Variants in FABP12 observed in about 807,000 individuals in gnomAD.
FABP12 encodes the protein fatty acid-binding protein 12.
Under a neutral mutation model 13.7 loss-of-function variants are expected in FABP12, and 19 were observed. The observed-to-expected ratio is 1.39, with a 90% CI of 0.97 to 2.04. The LOEUF is 2.04. Ranked by LOEUF, FABP12 falls within the 30% of genes most tolerant of loss-of-function variation. The pLI is 0.00. For missense variants in FABP12, 182 were observed against 164.2 expected (o/e 1.11, Z -0.59); for synonymous variants, 61 against 57.0 (o/e 1.07, Z -0.32).
Position 81,547,519 on chromosome 8 carries a change from T to C in FABP12, c.-184-7776A>G, listed in dbSNP as rs139302458. Among the ~76,000 whole-genome samples the C allele has an allele frequency of 9.2e-4, 140 of 152,352 alleles. 1 individual carries two copies. Among genetic ancestry groups the C allele is most frequent in the African/African-American group, 3.2e-3 (135 of 41,582 alleles). ...TATAACTGCTCTTCTTTTTAGCAGG[T>C]ACTGACAGAAATATAGCATAAATAA... On this transcript the variant is annotated intron_variant, in intron 1 of 5. Transcript: ENST00000692030.
At position 81,578,262 on chromosome 8, in the gene FABP12, G is replaced by A. The variant is rs1005828817; in HGVS notation, c.-185+11791C>T. On this transcript the variant is annotated intron_variant, in intron 1 of 5. Coordinates refer to the FABP12 transcript ENST00000692030. ...AAAGAATACATTTAGATAAATATTG[G>A]TTTATAGTACTAAAACCATAATTCG... Among the ~76,000 whole-genome samples, 28 of 152,198 alleles carry A rather than the reference G, an allele frequency of 1.8e-4. 1 individual carries two copies. The highest frequency in any genetic ancestry group is 1.8e-3 in the Admixed American group (28 of 15,294).
At chr8:81,589,175 TG>T (rs1162471019) in intron 1 of FABP12, among the ~76,000 whole-genome samples, 1 of 152,220 alleles carries the variant, frequency 6.6e-6, no homozygotes, top group African/African-American at 2.4e-5. Context: ...ACTGGATAGT[TG>T]GATCTTGCCA....
intron 1 of FABP12, among the ~76,000 whole-genome samples, chr8:81,571,837 T>C (rs548452801): frequency 4.6e-5 from 7 of 152,368 alleles, no homozygotes; most frequent in Non-Finnish European, 1.0e-4. Flanking sequence ...TTTTGTGAAA[T>C]AACCCAAATT....
intron 2 of FABP12, among the ~76,000 whole-genome samples, chr8:81,530,959 T>C (rs1809057471): frequency 1.3e-5 from 2 of 152,202 alleles, no homozygotes; most frequent in African/African-American, 4.8e-5. Flanking sequence ...ATTTACAAAA[T>C]AATCATTTTA....
intron 1 of FABP12, among the ~76,000 whole-genome samples, chr8:81,566,896 T>C (rs1220278188): frequency 2.0e-5 from 3 of 152,164 alleles, no homozygotes; most frequent in Admixed American, 6.5e-5. Context: ...TATAATCTTA[T>C]ATTTAGAAAA....
chr8:81,526,991 G>A (rs1249302939), intron 4 of FABP12, 29 bp downstream of exon 4: 3 of 1,291,114 alleles, frequency 2.3e-6, no homozygotes, highest in African/African-American at 1.5e-5. Flanking sequence ...TGCAGAAGGT[G>A]GGAAGAAAGC....
intron 1 of FABP12, among the ~76,000 whole-genome samples, chr8:81,576,694 C>T (rs1810053367): frequency 6.6e-6 from 1 of 152,100 alleles, no homozygotes; most frequent in South Asian, 2.1e-4. Context: ...TTAGTATAGC[C>T]TAGGGTATGT....
intron 1 of FABP12, among the ~76,000 whole-genome samples, chr8:81,570,624 C>T (rs1809913457): frequency 6.6e-6 from 1 of 152,080 alleles, no homozygotes; most frequent in African/African-American, 2.4e-5. Flanking sequence ...TTGTCTCCAG[C>T]TCTCCGCAGA....
chr8:81,569,410 T>C (rs1809885310), intron 1 of FABP12, among the ~76,000 whole-genome samples: 2 of 152,228 alleles, frequency 1.3e-5, no homozygotes, highest in Admixed American at 6.5e-5. Flanking sequence ...AATGGAAACA[T>C]ACAGCCTTTC....
At chr8:81,568,055 G>A (rs1030646586) in intron 1 of FABP12, among the ~76,000 whole-genome samples, 1 of 151,614 alleles carries the variant, frequency 6.6e-6, no homozygotes, top group Non-Finnish European at 1.5e-5. Flanking sequence ...CCCGGGAAGC[G>A]GAGCTTGCAG....
At chr8:81,569,393 G>A (rs1809884991) in intron 1 of FABP12, among the ~76,000 whole-genome samples, 1 of 152,206 alleles carries the variant, frequency 6.6e-6, no homozygotes, top group African/African-American at 2.4e-5. Context: ...AAACAATGAT[G>A]AGTTCAAATG....
At chr8:81,569,762 C>A (rs1181281333) in intron 1 of FABP12, among the ~76,000 whole-genome samples, 2 of 152,196 alleles carry the variant, frequency 1.3e-5, no homozygotes, top group African/African-American at 2.4e-5. Context: ...GTCTCTTAGT[C>A]ATAAAAGCAT....
chr8:81,530,087 T>C (rs764213321), intron 2 of FABP12, among the ~76,000 whole-genome samples: 4 of 152,210 alleles, frequency 2.6e-5, no homozygotes, highest in African/African-American at 4.8e-5. Flanking sequence ...TGATGTATGT[T>C]TTTATTGTGG....
At position 81,531,471 on chromosome 8, in the gene FABP12, G is replaced by A; in HGVS notation, c.-75-81C>T. 1.1e-5 allele frequency: 6 copies of A among 565,934 alleles called. 1 individual carries two copies. The South Asian group carries it at 1.5e-4, about 14-fold the overall frequency. 35.1% of individuals were successfully genotyped at this position (565,934 alleles called of 1,614,324 possible). On this transcript the variant is annotated intron_variant, in intron 1 of 4. Transcript: ENST00000360464. ...AATAAGGAACTCTAATCCTTGCAAT[G>A]TTCCTTGAGTATCATCTAAAGCAGA...
At chr8:81,541,024 A>C (rs1809327929) in intron 1 of FABP12, among the ~76,000 whole-genome samples, 1 of 151,902 alleles carries the variant, frequency 6.6e-6, no homozygotes, top group Admixed American at 6.6e-5. Context: ...AAAATTAGCC[A>C]GGTTTGGTGG....
At position 81,569,922 on chromosome 8, in the gene FABP12, C is replaced by T. The variant is rs548490386; in HGVS notation, c.-185+20131G>A. Among the ~76,000 whole-genome samples, 36 of 152,342 alleles carry T rather than the reference C, an allele frequency of 2.4e-4. No homozygotes were observed. In the South Asian group the frequency reaches 7.5e-3, roughly 32 times the overall value. ...GGCTCGTTCTGCCCGCTCGGCCTGG[C>T]AGGCTGCACTCAGTTCATGCTACTG... is the stretch of plus-strand genomic sequence containing the variant. On this transcript the variant is annotated intron_variant, in intron 1 of 5. Coordinates refer to the FABP12 transcript ENST00000692030.
upstream of FABP12, among the ~76,000 whole-genome samples, chr8:81,534,966 T>C (rs1245912081): frequency 6.6e-6 from 1 of 152,100 alleles, no homozygotes; most frequent in Non-Finnish European, 1.5e-5. Context: ...TGTAAACATG[T>C]GTCATTGTCT....
chr8:81,529,329 G>T (rs1195217415), intron 3 of FABP12, 109 bp downstream of exon 3: 1 of 1,083,422 alleles, frequency 9.2e-7, no homozygotes. Context: ...TTAGACAAAA[G>T]TTCCTCTTAA....
At position 81,550,298 on chromosome 8, in the gene FABP12, T is replaced by C. The variant is rs142544917; in HGVS notation, c.-184-10555A>G. Reference sequence around the variant, plus strand: ...TAAATGATGTCTCAAAATGAAAAGGTAAATAAGGTAAAATGTTCCAAATGA... The same window carrying C: ...TAAATGATGTCTCAAAATGAAAAGGCAAATAAGGTAAAATGTTCCAAATGA... On this transcript the variant is annotated intron_variant, in intron 1 of 5. Coordinates refer to the FABP12 transcript ENST00000692030. Among the ~76,000 whole-genome samples the C allele has an allele frequency of 2.2e-4, 33 of 152,260 alleles. 1 individual carries two copies. In the East Asian group the frequency reaches 5.8e-3, roughly 27 times the overall value.
Sources: gnomAD v4.1 joint callset for allele counts (sites outside exome capture counted in the v4.1 genomes callset) on GRCh38, gnomAD v4.1.1 for gene constraint, MANE v1.5 for transcripts, NCBI Gene and HGNC (gene_info 2026-07-23, HGNC 2026-07-21) for gene names.